The following MYOCD variants were observed in gnomAD, a reference collection of about 807,000 sequenced individuals.
MYOCD encodes the protein myocardin.
In MYOCD, 32 loss-of-function variants were observed where a neutral mutation model predicts 96.1. The ratio of observed to expected loss-of-function variants is 0.33; its 90% CI spans 0.25 to 0.45. The LOEUF (loss-of-function observed/expected upper bound fraction) is 0.45, where lower values mean the gene tolerates loss of function less well. MYOCD is among the 20% of genes least tolerant of loss of function. MYOCD has a pLI of 1.00. For missense variants in MYOCD, 1,133 were observed against 1,200.6 expected, an observed-to-expected ratio of 0.94 and a Z score of 0.83; for synonymous variants, 469 against 469.0, an observed-to-expected ratio of 1.00 and a Z score of 0.00.
intron 1 of MYOCD, among the ~76,000 whole-genome samples, chr17:12,677,957 A>G (rs1414329934): frequency 6.8e-6 from 1 of 146,162 alleles, no homozygotes; most frequent in Non-Finnish European, 1.5e-5. Context: ...CAGTGGCAAC[A>G]TCTTGGCTCA....
At chr17:12,747,216 A>G (rs1277783770) in intron 9 of MYOCD, among the ~76,000 whole-genome samples, 1 of 152,210 alleles carries the variant, frequency 6.6e-6, no homozygotes, top group African/African-American at 2.4e-5. Flanking sequence ...CTGAGGCTTA[A>G]AGCTAAGTAA....
At chr17:12,749,141 A>C (rs1357921640) in intron 9 of MYOCD, among the ~76,000 whole-genome samples, 4 of 152,140 alleles carry the variant, frequency 2.6e-5, no homozygotes, top group Non-Finnish European at 4.4e-5. Context: ...ATATTCAATA[A>C]ATTTTTTATT....
At chr17:12,724,090 T>G (rs1440038812) in intron 5 of MYOCD, among the ~76,000 whole-genome samples, 1 of 152,144 alleles carries the variant, frequency 6.6e-6, no homozygotes, top group Non-Finnish European at 1.5e-5. Flanking sequence ...CCACTAAATA[T>G]CTGGGGCCTT....
At chr17:12,742,677 T>C (rs1397599618) in intron 7 of MYOCD, among the ~76,000 whole-genome samples, 1 of 152,032 alleles carries the variant, frequency 6.6e-6, no homozygotes, top group African/African-American at 2.4e-5. Context: ...TTCAAGCTAT[T>C]CTACTGCCTC....
intron 12 of MYOCD, chr17:12,760,075 T>C (rs1327169134): frequency 6.5e-6 from 1 of 153,998 alleles, no homozygotes; most frequent in Non-Finnish European, 1.4e-5. Flanking sequence ...TTATTCACTG[T>C]AGCCCAAAGG....
At chr17:12,740,768 C>A (rs1382070093) in intron 7 of MYOCD, among the ~76,000 whole-genome samples, 1 of 151,582 alleles carries the variant, frequency 6.6e-6, no homozygotes, top group Non-Finnish European at 1.5e-5. Flanking sequence ...GATGGAGTTT[C>A]ACTCTTGTTG....
rs758098578 is a variant in MYOCD at position 12,717,338 on chromosome 17, T to C, written c.178-8T>C. Reference sequence around the variant, plus strand: ...AACTAGGTGATTTCTCTTGTTTGGGTTCTACAGGCTAAAAATTCCCTGAAG... The same window carrying C: ...AACTAGGTGATTTCTCTTGTTTGGGCTCTACAGGCTAAAAATTCCCTGAAG... On this transcript the variant is annotated splice_polypyrimidine_tract_variant and splice_region_variant and intron_variant, in intron 3 of 13. Transcript: ENST00000425538. The C allele has an allele frequency of 2.0e-5, 32 of 1,612,826 alleles. No homozygotes were observed. Among genetic ancestry groups the C allele is most frequent in the Non-Finnish European group, 2.5e-5 (29 of 1,179,156 alleles).
In MYOCD at chr17:12,666,125, G is replaced by C; in HGVS notation, c.-64G>C. ...GCTGCGGTCAGCTGGGCTCCCGGGA[G>C]CCTGTTGCTGGTGGAGAACAGGGGG... On this transcript the variant is annotated 5_prime_UTR_variant, in exon 1 of 14. Transcript: ENST00000425538. 1 of 1,264,080 alleles carries C rather than the reference G, an allele frequency of 7.9e-7. No homozygotes were observed. Among genetic ancestry groups the C allele is most frequent in the Admixed American group, 1.7e-5 (1 of 58,460 alleles). The allele number at this position is 1,264,080 out of a possible 1,614,324, so 78.3% of individuals were successfully genotyped here.
intron 1 of MYOCD, among the ~76,000 whole-genome samples, chr17:12,702,337 T>C (rs912130110): frequency 9.9e-5 from 15 of 152,044 alleles, no homozygotes; most frequent in African/African-American, 3.6e-4. Context: ...ATGTCTATTT[T>C]ATGTGATATT....
intron 4 of MYOCD, among the ~76,000 whole-genome samples, chr17:12,720,957 G>A (rs972260937): frequency 6.7e-6 from 1 of 150,348 alleles, no homozygotes; most frequent in African/African-American, 2.5e-5. Context: ...GGGAGGCAGA[G>A]CTGGCAGTGA....
intron 1 of MYOCD, among the ~76,000 whole-genome samples, chr17:12,673,846 A>G (rs1291277952): frequency 6.6e-6 from 1 of 152,210 alleles, no homozygotes; most frequent in Admixed American, 6.5e-5. Context: ...CCTACTGTAC[A>G]ACTAACTCAG....
rs770039607 is a variant in MYOCD at position 12,722,956 on chromosome 17, G to A, written c.363G>A (p.Leu121=). Residue 121 remains leucine (L), a synonymous_variant, in exon 5 of 14, where the codon CTG becomes CTA. Transcript: ENST00000425538. ...KIALRPGPLE[L]VEKNILPVDS... ...CTCTACGACCAGGGCCACTGGAGCT[G>A]GTGGAAAAAAACATTCTTCCTGTGG... The A allele has an allele frequency of 2.5e-6, 4 of 1,613,672 alleles. No homozygotes were observed. Among genetic ancestry groups the A allele is most frequent in the Non-Finnish European group, 2.5e-6 (3 of 1,179,864 alleles).
chr17:12,750,061 T>C (rs1203710750), intron 9 of MYOCD, among the ~76,000 whole-genome samples: 1 of 151,818 alleles, frequency 6.6e-6, no homozygotes. Context: ...GTGGTCTCGA[T>C]CTCCTGACCT....
intron 2 of MYOCD, among the ~76,000 whole-genome samples, chr17:12,712,686 C>T (rs374913042): frequency 2.0e-5 from 3 of 152,312 alleles, no homozygotes; most frequent in Admixed American, 6.5e-5. Flanking sequence ...GAGGCAAGAA[C>T]ACAAATTCCC....
intron 2 of MYOCD, among the ~76,000 whole-genome samples, chr17:12,714,832 A>G (rs1429385675): frequency 1.3e-5 from 2 of 152,106 alleles, no homozygotes; most frequent in African/African-American, 4.8e-5. Flanking sequence ...TACATATCAC[A>G]TCTTGAAAGA....
intron 1 of MYOCD, among the ~76,000 whole-genome samples, chr17:12,668,070 G>A (rs1205853816): frequency 6.6e-6 from 1 of 152,222 alleles, no homozygotes; most frequent in Non-Finnish European, 1.5e-5. Flanking sequence ...TGTTTGAATG[G>A]AGGTTATTCT....
At chr17:12,719,883 A>G (rs1189957116) in intron 4 of MYOCD, among the ~76,000 whole-genome samples, 2 of 151,368 alleles carry the variant, frequency 1.3e-5, no homozygotes, top group African/African-American at 4.8e-5. Context: ...AAAAAAAAAA[A>G]AAAAATTTTA....
At chr17:12,688,495 T>C (rs192002413) in intron 1 of MYOCD, among the ~76,000 whole-genome samples, 1,991 of 148,656 alleles carry the variant, frequency 0.013, 15 homozygotes, top group Middle Eastern at 0.028. Context: ...TCCTTCCATC[T>C]CCTTTTTTCC....
chr17:12,719,134 C>G lies in MYOCD; in HGVS notation c.253+1713C>G, dbSNP rs78813872. 3.7e-4 allele frequency among the ~76,000 whole-genome samples: 51 copies of G among 138,782 alleles called. No individual in the cohort carries two copies. The Admixed American group carries it at 4.1e-3, about 11-fold the overall frequency. 91.0% of individuals were successfully genotyped at this position (138,782 alleles called of 152,430 possible). A position where few individuals can be genotyped will look rare whatever the true frequency, so the allele number is the denominator to read the frequency against. ...AGGTTGCAGTGAGCTGAGATCGCGC[C>G]ACCGCACTCCAGCCGGGGCCACAGA... On this transcript the variant is annotated intron_variant, in intron 4 of 13. Coordinates refer to ENST00000425538, the MANE Select transcript of MYOCD (RefSeq NM_001146312.3).
Sources: allele counts gnomAD v4.1 joint callset (sites outside exome capture counted in the v4.1 genomes callset), GRCh38; gene constraint gnomAD v4.1.1; transcripts MANE v1.5; gene names NCBI Gene and HGNC (gene_info 2026-07-23, HGNC 2026-07-21).